Variants in TBC1D32 observed in about 807,000 individuals in gnomAD.
TBC1D32 encodes TBC1 domain family member 32.
In TBC1D32, 151 loss-of-function variants were observed where a neutral mutation model predicts 170.3. The observed-to-expected ratio is 0.89, with a 90% CI of 0.78 to 1.01. The LOEUF is 1.01. Among genes scored for constraint, TBC1D32 ranks in the 50% least tolerant of loss-of-function variants. TBC1D32 has a pLI of 0.00. For missense variants in TBC1D32, 1,464 were observed against 1,457.1 expected (o/e 1.00, Z -0.08); for synonymous variants, 498 against 488.0 (o/e 1.02, Z -0.27).
chr6:121,267,106 T>G (rs557269016), intron 15 of TBC1D32, among the ~76,000 whole-genome samples: 1 of 129,512 alleles, frequency 7.7e-6, no homozygotes, highest in African/African-American at 3.1e-5. Context: ...AATAGGACAC[T>G]AAAATAACAA....
chr6:121,084,848 A>G (rs534363317), intron 31 of TBC1D32, among the ~76,000 whole-genome samples: 2 of 152,236 alleles, frequency 1.3e-5, no homozygotes, highest in South Asian at 4.1e-4. Context: ...GACCAAGTTT[A>G]GATATTCTCT....
intron 30 of TBC1D32, among the ~76,000 whole-genome samples, chr6:121,100,517 A>G (rs1282093594): frequency 6.6e-6 from 1 of 152,002 alleles, no homozygotes; most frequent in Non-Finnish European, 1.5e-5. Context: ...TTTCAGAAAT[A>G]AAGATGTTCT....
At chr6:121,183,647 A>G (rs1418825810) in intron 22 of TBC1D32, among the ~76,000 whole-genome samples, 2 of 152,126 alleles carry the variant, frequency 1.3e-5, no homozygotes, top group Admixed American at 1.3e-4. Context: ...TCATCATTAC[A>G]TCTTCTCTTC....
intron 12 of TBC1D32, among the ~76,000 whole-genome samples, chr6:121,288,906 A>T (rs199757731): frequency 6.6e-6 from 1 of 152,120 alleles, no homozygotes; most frequent in Non-Finnish European, 1.5e-5. Context: ...CAAAAACCAT[A>T]TGATTATCTC....
At chr6:121,084,780 T>C (rs1039856874) in intron 31 of TBC1D32, among the ~76,000 whole-genome samples, 3 of 152,070 alleles carry the variant, frequency 2.0e-5, no homozygotes, top group Admixed American at 6.6e-5. Flanking sequence ...AGTAAACAGA[T>C]AAAAAGCACA....
intron 22 of TBC1D32, among the ~76,000 whole-genome samples, chr6:121,189,390 TA>T (rs1406272322): frequency 6.6e-6 from 1 of 151,850 alleles, no homozygotes; most frequent in African/African-American, 2.4e-5. Flanking sequence ...TTCCAACAGA[TA>T]ATATATTGTT....
chr6:121,105,662 T>A (rs1160581079), intron 30 of TBC1D32, among the ~76,000 whole-genome samples: 1 of 151,964 alleles, frequency 6.6e-6, no homozygotes, highest in Non-Finnish European at 1.5e-5. Flanking sequence ...TCCGCGGGGA[T>A]TTTTTGTTAG....
At chr6:121,321,551 C>A in intron 2 of TBC1D32, 82 bp downstream of exon 2, 1 of 1,312,390 alleles carries the variant, frequency 7.6e-7, no homozygotes, top group Non-Finnish European at 1.1e-6. Context: ...GGGAAATAGA[C>A]TGTGAGGGAC....
chr6:121,084,389 A>G (rs1775971374), intron 31 of TBC1D32, among the ~76,000 whole-genome samples: 1 of 152,240 alleles, frequency 6.6e-6, no homozygotes, highest in South Asian at 2.1e-4. Flanking sequence ...CATAGTGGTC[A>G]TAAATAATGA....
At chr6:121,097,239 A>C (rs559244028) in intron 30 of TBC1D32, among the ~76,000 whole-genome samples, 6 of 152,104 alleles carry the variant, frequency 3.9e-5, no homozygotes, top group East Asian at 1.9e-4. Context: ...GAAAAAGAAA[A>C]TATCATCAAA....
intron 17 of TBC1D32, among the ~76,000 whole-genome samples, chr6:121,250,662 T>C (rs543113193): frequency 1.3e-5 from 2 of 152,236 alleles, no homozygotes; most frequent in South Asian, 4.1e-4. Context: ...AAGCATTCCC[T>C]CTCAAAACTG....
Position 121,205,102 on chromosome 6 carries a change from T to C in TBC1D32, c.2543A>G (p.Tyr848Cys). ...TAGACCAAAGATATGTGATTGTTCA[T>C]AGTTGAATAAAGAACGAATCTTAGC... ...SEAKIRSLFN[Y>C]EQSHIFGLRD... The change falls in exon 22 of 32, where the codon TAT becomes TGT. Residue 848 changes from tyrosine (Y) to cysteine (C), a missense_variant. Around this residue, in one of 3 missense-constraint regions of TBC1D32, gnomAD observed 1,363 missense variants for 1,338.1 expected, o/e 1.02. Coordinates refer to ENST00000398212, the MANE Select transcript of TBC1D32 (RefSeq NM_152730.6). 6.5e-7 allele frequency: 1 copy of C among 1,532,768 alleles called. No individual in the cohort carries two copies. The highest frequency in any genetic ancestry group is 8.8e-7 in the Non-Finnish European group (1 of 1,130,768). 94.9% of individuals were successfully genotyped at this position (1,532,768 alleles called of 1,614,324 possible).
At chr6:121,110,733 T>A (rs569576069) in intron 29 of TBC1D32, among the ~76,000 whole-genome samples, 1 of 152,248 alleles carries the variant, frequency 6.6e-6, no homozygotes, top group East Asian at 1.9e-4. Context: ...TACTATCAAG[T>A]CAAGTGACAT....
chr6:121,205,701 A>T (rs1447378077), intron 21 of TBC1D32, among the ~76,000 whole-genome samples: 1 of 152,154 alleles, frequency 6.6e-6, no homozygotes, highest in East Asian at 1.9e-4. Flanking sequence ...AAAGATACAC[A>T]GGTGCCCAGG....
chr6:121,150,051 T>A (rs1784012099), intron 24 of TBC1D32, among the ~76,000 whole-genome samples: 1 of 152,214 alleles, frequency 6.6e-6, no homozygotes, highest in Admixed American at 6.5e-5. Flanking sequence ...CAACACTATG[T>A]TGAATAGGAT....
In TBC1D32 at chr6:121,080,381, A is replaced by G; in HGVS notation, c.*390T>C. 2.9e-6 allele frequency: 1 copy of G among 349,184 alleles called. No homozygotes were observed. The highest frequency in any genetic ancestry group is 5.9e-6 in the Non-Finnish European group (1 of 169,310). 21.6% of individuals were successfully genotyped at this position (349,184 alleles called of 1,614,324 possible). A position where few individuals can be genotyped will look rare whatever the true frequency, so the allele number is the denominator to read the frequency against. On this transcript the variant is annotated 3_prime_UTR_variant, in exon 32 of 32. Transcript: ENST00000398212. ...TACAGGCGCATCACTGCACCCAGCT[A>G]ATTTCAGTATTGTTAGCAGAGACGA...
rs151208874 is a variant in TBC1D32 at position 121,159,661 on chromosome 6, CTA to C, written c.2773+347_2773+348del. The stretch of plus-strand genomic sequence containing the variant: ...AGCCTATTGCTCCTAGGCTACAAGT[CTA>C]TACAGCATGTTACTGTACTGAATAC... On this transcript the variant is annotated intron_variant, in intron 24 of 31. Transcript: ENST00000398212. Among the ~76,000 whole-genome samples, 506 of 152,186 alleles carry C rather than the reference CTA, an allele frequency of 3.3e-3. 3 individuals are homozygous for C. The highest frequency in any genetic ancestry group is 4.8e-3 in the Admixed American group (74 of 15,290).
chr6:121,331,900 T>C (rs6941089), intron 1 of TBC1D32, among the ~76,000 whole-genome samples: 16,080 of 152,154 alleles, frequency 0.11, 1,643 homozygotes, highest in African/African-American at 0.26. Context: ...TTTTATCCTA[T>C]TATTAAGACT....
chr6:121,091,182 G>A, intron 30 of TBC1D32, 141 bp from the exon 31 acceptor site: 1 of 706,930 alleles, frequency 1.4e-6, no homozygotes, highest in South Asian at 2.1e-5. Flanking sequence ...CTTCATAGAT[G>A]CCTAAAAAGG....
Sources: allele counts gnomAD v4.1 joint callset (sites outside exome capture counted in the v4.1 genomes callset), GRCh38; gene constraint gnomAD v4.1.1; regional missense constraint gnomAD v4.1.1; transcripts MANE v1.5; gene names NCBI Gene and HGNC (gene_info 2026-07-23, HGNC 2026-07-21).